Variants in DDAH1 observed in about 807,000 individuals in gnomAD.
DDAH1 encodes N(G),N(G)-dimethylarginine dimethylaminohydrolase 1.
Under a neutral mutation model 28.8 loss-of-function variants are expected in DDAH1, and 19 were observed. That is an observed-to-expected ratio of 0.66 (90% CI 0.46 to 0.97). The LOEUF (loss-of-function observed/expected upper bound fraction) is 0.97, where lower values mean the gene tolerates loss of function less well. Among genes scored for constraint, DDAH1 ranks in the 50% least tolerant of loss-of-function variants. DDAH1 has a pLI of 0.00. For synonymous variants in DDAH1, 153 were observed against 154.4 expected, an observed-to-expected ratio of 0.99 and a Z score of 0.07; for missense variants, 326 against 375.9, an observed-to-expected ratio of 0.87 and a Z score of 1.10.
intron 2 of DDAH1, among the ~76,000 whole-genome samples, chr1:85,478,152 G>A (rs1655865715): frequency 2.0e-5 from 3 of 152,154 alleles, no homozygotes; most frequent in Admixed American, 1.3e-4. Flanking sequence ...TCATTTTGGA[G>A]AGAAATGGGC....
chr1:85,519,670 A>G, intron 1 of DDAH1, among the ~76,000 whole-genome samples: 1 of 152,212 alleles, frequency 6.6e-6, no homozygotes. Context: ...ATCAATAATC[A>G]CAATAAACAT....
intron 1 of DDAH1, among the ~76,000 whole-genome samples, chr1:85,506,603 C>T (rs61785199): frequency 0.19 from 29,293 of 152,092 alleles, 3,238 homozygotes; most frequent in Admixed American, 0.29. Context: ...GCCCTCTATG[C>T]GGGCATTTGA....
In DDAH1 at chr1:85,321,278, G is replaced by C; in HGVS notation, c.*174C>G. On this transcript the variant is annotated 3_prime_UTR_variant, in exon 6 of 6. Transcript: ENST00000284031. The stretch of plus-strand genomic sequence containing the variant: ...ATCCACAGCTTAGGTACCACCTCGA[G>C]GGGAGGGAGGGTGGGGGTGTTGAAT... 1 of 564,532 alleles carries C rather than the reference G, an allele frequency of 1.8e-6. No homozygotes were observed. The highest frequency in any genetic ancestry group is 2.5e-5 in the South Asian group (1 of 40,344). 35.0% of individuals were successfully genotyped at this position (564,532 alleles called of 1,614,324 possible). A position where few individuals can be genotyped will look rare whatever the true frequency, so the allele number is the denominator to read the frequency against.
intron 1 of DDAH1, among the ~76,000 whole-genome samples, chr1:85,453,509 T>C (rs958582593): frequency 6.6e-6 from 1 of 152,194 alleles, no homozygotes; most frequent in Non-Finnish European, 1.5e-5. Context: ...TTTTGGGGCA[T>C]AGAAGAGCAT....
intron 1 of DDAH1, among the ~76,000 whole-genome samples, chr1:85,551,991 C>T (rs767683870): frequency 6.6e-6 from 1 of 152,158 alleles, no homozygotes; most frequent in Non-Finnish European, 1.5e-5. Context: ...TCCAAGGAGG[C>T]TGAGGCATAG....
At chr1:85,521,514 G>C (rs2100763206) in intron 1 of DDAH1, 1 of 681,824 alleles carries the variant, frequency 1.5e-6, no homozygotes. Flanking sequence ...CTTCGTAAGA[G>C]AGCCTTACCA....
At chr1:85,567,081 C>A (rs1386535355) in intron 1 of DDAH1, among the ~76,000 whole-genome samples, 1 of 152,178 alleles carries the variant, frequency 6.6e-6, no homozygotes, top group African/African-American at 2.4e-5. Context: ...TCTATTCAGG[C>A]CTTCAGCTGA....
intron 1 of DDAH1, among the ~76,000 whole-genome samples, chr1:85,534,340 A>G (rs546972290): frequency 6.6e-6 from 1 of 152,306 alleles, no homozygotes; most frequent in South Asian, 2.1e-4. Flanking sequence ...CACCATGAGG[A>G]TAGGAGAAAA....
intron 1 of DDAH1, among the ~76,000 whole-genome samples, chr1:85,445,813 C>A (rs1239869344): frequency 1.3e-5 from 2 of 152,092 alleles, no homozygotes; most frequent in African/African-American, 2.4e-5. Flanking sequence ...GTTGCCTAGG[C>A]TGGTCTCAAT....
intron 4 of DDAH1, among the ~76,000 whole-genome samples, chr1:85,337,278 G>A (rs1408147620): frequency 6.6e-6 from 1 of 152,060 alleles, no homozygotes; most frequent in Non-Finnish European, 1.5e-5. Flanking sequence ...ATGTCAAACA[G>A]TTCTTCTAAA....
At chr1:85,351,119 C>A (rs1438465627) in intron 3 of DDAH1, among the ~76,000 whole-genome samples, 1 of 149,324 alleles carries the variant, frequency 6.7e-6, no homozygotes, top group Non-Finnish European at 1.5e-5. Flanking sequence ...TCATTTGGAA[C>A]TCCTGGGCTC....
chr1:85,384,863 A>T (rs1651171217), intron 1 of DDAH1, among the ~76,000 whole-genome samples: 1 of 152,226 alleles, frequency 6.6e-6, no homozygotes, highest in Non-Finnish European at 1.5e-5. Flanking sequence ...TTGGCATGAA[A>T]GGGAGCAGAC....
At chr1:85,433,745 T>C (rs669173) in intron 1 of DDAH1, among the ~76,000 whole-genome samples, 64,310 of 152,032 alleles carry the variant, frequency 0.42, 13,767 homozygotes, top group Middle Eastern at 0.49. Flanking sequence ...CCATGCAACA[T>C]AATCTAGTTA....
chr1:85,357,835 G>A (rs550356258), intron 2 of DDAH1, among the ~76,000 whole-genome samples: 3 of 152,284 alleles, frequency 2.0e-5, no homozygotes, highest in South Asian at 4.2e-4. Flanking sequence ...CTAATTATAC[G>A]ATAAATGAGT....
intron 2 of DDAH1, among the ~76,000 whole-genome samples, chr1:85,479,541 A>ATTTT (rs1655930914): frequency 1.3e-5 from 2 of 152,232 alleles, no homozygotes; most frequent in African/African-American, 4.8e-5. Flanking sequence ...ATCAGGCACT[A>ATTTT]ATATTACCAC....
At chr1:85,575,319 G>T (rs530924825) in intron 1 of DDAH1, among the ~76,000 whole-genome samples, 135 of 152,330 alleles carry the variant, frequency 8.9e-4, no homozygotes, top group African/African-American at 3.2e-3. Flanking sequence ...GAACCATCAA[G>T]TAAGTGATGC....
chr1:85,563,131 G>A (rs1260581909), intron 1 of DDAH1, among the ~76,000 whole-genome samples: 2 of 152,182 alleles, frequency 1.3e-5, no homozygotes, highest in East Asian at 1.9e-4. Flanking sequence ...CAGTCTAGCA[G>A]TCTCCCTGGG....
chr1:85,540,140 AT>A (rs1658427540), intron 1 of DDAH1, among the ~76,000 whole-genome samples: 3 of 152,036 alleles, frequency 2.0e-5, no homozygotes, highest in African/African-American at 7.2e-5. Flanking sequence ...TGAGAAAAAA[AT>A]AATGTGAATC....
intron 1 of DDAH1, chr1:85,496,336 T>G: frequency 3.0e-6 from 1 of 334,062 alleles, no homozygotes; most frequent in Non-Finnish European, 4.3e-6. Context: ...TTAATACCTC[T>G]AATATATTTC....
Sources: allele counts gnomAD v4.1 joint callset (sites outside exome capture counted in the v4.1 genomes callset), GRCh38; gene constraint gnomAD v4.1.1; transcripts MANE v1.5; gene names NCBI Gene and HGNC (gene_info 2026-07-23, HGNC 2026-07-21).